The following KIAA1217 variants were observed in gnomAD, a reference collection of about 807,000 sequenced individuals.
KIAA1217 encodes the protein KIAA1217.
A neutral mutation model predicts 163.9 loss-of-function variants in KIAA1217; 88 were observed. The ratio of observed to expected loss-of-function variants is 0.54; its 90% CI spans 0.45 to 0.64. The LOEUF (loss-of-function observed/expected upper bound fraction) is 0.64, where lower values mean the gene tolerates loss of function less well. Ranked by LOEUF, KIAA1217 falls within the 30% of genes least tolerant of loss-of-function variation. KIAA1217 has a pLI of 0.00. For synonymous variants in KIAA1217, 903 were observed against 923.1 expected (o/e 0.98, Z 0.39); for missense variants, 2,372 against 2,475.0 (o/e 0.96, Z 0.88).
intron 1 of KIAA1217, among the ~76,000 whole-genome samples, chr10:23,944,861 C>T (rs1487654351): frequency 6.6e-6 from 1 of 152,112 alleles, no homozygotes; most frequent in Non-Finnish European, 1.5e-5. Context: ...GAGTTCAAGA[C>T]CAGCCTGGCC....
chr10:23,965,446 C>T (rs1589153071), intron 1 of KIAA1217, among the ~76,000 whole-genome samples: 1 of 152,212 alleles, frequency 6.6e-6, no homozygotes, highest in East Asian at 1.9e-4. Context: ...GAGGCTTGTA[C>T]TTTGGATGCC....
Position 24,543,709 on chromosome 10 carries a change from T to TA in KIAA1217, c.4440dup (p.Glu1481ArgfsTer16). On this transcript the variant is annotated frameshift_variant, in exon 19 of 21. Transcript: ENST00000376454. LOFTEE classifies it high-confidence loss of function. ...GAGAGAATGATGATGGAGGAAAAGA[T>TA]AGAGGAGGAGGAAGAGGAGGAAAAT... is the stretch of plus-strand genomic sequence containing the variant. The TA allele has an allele frequency of 6.2e-7, 1 of 1,613,398 alleles. No individual in the cohort carries two copies. Among genetic ancestry groups the TA allele is most frequent in the South Asian group, 1.1e-5 (1 of 91,018 alleles).
At chr10:23,988,579 A>G (rs1456396009) in intron 1 of KIAA1217, among the ~76,000 whole-genome samples, 5 of 152,244 alleles carry the variant, frequency 3.3e-5, no homozygotes, top group African/African-American at 1.2e-4. Context: ...ACAAATAAAT[A>G]TGCAAAATGC....
At position 24,334,334 on chromosome 10, in the gene KIAA1217, T is replaced by G. The variant is rs142967553; in HGVS notation, c.355-46535T>G. Among the ~76,000 whole-genome samples the G allele has an allele frequency of 2.6e-5, 4 of 151,530 alleles. No homozygotes were observed. In the East Asian group the frequency reaches 7.8e-4, roughly 30 times the overall value. ...GCAGGAGGATTGCTTAAGCCCAGGA[T>G]TTCAGATCTAACCTGGGCAATATAG... On this transcript the variant is annotated intron_variant, in intron 2 of 20. Transcript: ENST00000376454.
Position 24,250,273 on chromosome 10 carries a change from G to A in KIAA1217, c.354+30364G>A, listed in dbSNP as rs148122377. Among the ~76,000 whole-genome samples, 508 of 152,194 alleles carry A rather than the reference G, an allele frequency of 3.3e-3. 5 individuals are homozygous for A. Among genetic ancestry groups the A allele is most frequent in the African/African-American group, 0.011 (474 of 41,530 alleles). ...TCTCTGAACAGAGCCTTGGAATTCA[G>A]CCTAGAGAAAGAATACTTGGTGGTT... On this transcript the variant is annotated intron_variant, in intron 2 of 20. Transcript: ENST00000376454.
intron 5 of KIAA1217, among the ~76,000 whole-genome samples, chr10:24,469,245 C>T (rs1236188058): frequency 6.6e-6 from 1 of 151,990 alleles, no homozygotes; most frequent in African/African-American, 2.4e-5. Context: ...TGTGCCTCAG[C>T]CTCCTGAGTA....
upstream of KIAA1217, among the ~76,000 whole-genome samples, chr10:24,205,302 C>CAAAAA (rs61292023): frequency 1.1e-4 from 4 of 36,608 alleles, no homozygotes; most frequent in African/African-American, 2.4e-4. Flanking sequence ...ACTAAAAATA[C>CAAAAA]AAAAAAAAAA....
intron 2 of KIAA1217, among the ~76,000 whole-genome samples, chr10:24,266,763 C>A (rs908888574): frequency 6.6e-6 from 1 of 152,100 alleles, no homozygotes; most frequent in Non-Finnish European, 1.5e-5. Flanking sequence ...GGACAGAAAT[C>A]GAATTTGGGA....
At chr10:23,790,380 T>TATAC (rs1564423200) in intron 1 of KIAA1217, among the ~76,000 whole-genome samples, 39 of 81,212 alleles carry the variant, frequency 4.8e-4, no homozygotes, top group Admixed American at 1.3e-3. Context: ...TACATATGTA[T>TATAC]ATATACATAT....
chr10:23,731,967 G>A (rs1257447929), intron 1 of KIAA1217, among the ~76,000 whole-genome samples: 2 of 152,032 alleles, frequency 1.3e-5, no homozygotes, highest in Admixed American at 6.6e-5. Context: ...TGGTTGTGGT[G>A]TATAACTCTT....
chr10:24,191,473 G>A (rs2066715721), intron 2 of KIAA1217, among the ~76,000 whole-genome samples: 1 of 151,878 alleles, frequency 6.6e-6, no homozygotes, highest in Non-Finnish European at 1.5e-5. Context: ...GTAACACAAA[G>A]GATAAATGGT....
intron 1 of KIAA1217, among the ~76,000 whole-genome samples, chr10:23,880,240 G>A (rs1840888975): frequency 6.6e-6 from 1 of 151,888 alleles, no homozygotes; most frequent in African/African-American, 2.4e-5. Context: ...AATGTGGTAT[G>A]TACACACAAT....
At chr10:24,187,689 G>A (rs572562605) in intron 2 of KIAA1217, among the ~76,000 whole-genome samples, 19 of 152,094 alleles carry the variant, frequency 1.2e-4, no homozygotes, top group East Asian at 1.9e-4. Flanking sequence ...GCAGGAGTTC[G>A]AGACCAGCCT....
rs1197353078 is a variant in KIAA1217 at position 24,524,746 on chromosome 10, C to T, written c.2880C>T (p.Asn960=). 2 of 1,600,298 alleles carry T rather than the reference C, an allele frequency of 1.2e-6. No individual in the cohort carries two copies. Among genetic ancestry groups the T allele is most frequent in the Admixed American group, 1.7e-5 (1 of 59,620 alleles). The change falls in exon 13 of 21, where the codon AAC becomes AAT. Residue 960 remains asparagine, a synonymous_variant. Coordinates refer to ENST00000376454, the MANE Select transcript of KIAA1217 (RefSeq NM_019590.5). ...IEEIHSVSAK[N]RAVSIEKAEK... is the part of the protein sequence containing the mutation. ...AAATCCACAGTGTGAGTGCCAAGAACAGGGCAGTGTCTATCGAGGTAGAGT... is the reference window on the plus strand; with the variant it reads ...AAATCCACAGTGTGAGTGCCAAGAATAGGGCAGTGTCTATCGAGGTAGAGT...
intron 2 of KIAA1217, chr10:24,157,900 A>G: frequency 3.0e-6 from 2 of 665,750 alleles, no homozygotes; most frequent in Admixed American, 4.7e-5. Flanking sequence ...TGCTGGCTTC[A>G]TCTCCAAAGC....
rs529051103 is a variant in KIAA1217 at position 24,377,729 on chromosome 10, T to A, written c.355-3140T>A. 1.8e-4 allele frequency among the ~76,000 whole-genome samples: 28 copies of A among 152,270 alleles called. No homozygotes were observed. The South Asian group carries it at 5.6e-3, about 30-fold the overall frequency. Reference sequence around the variant, plus strand: ...TTTAGAAATTTTCATCTATGAAATATAAAATAATGGGAACTATGATTATGG... The same window carrying A: ...TTTAGAAATTTTCATCTATGAAATAAAAAATAATGGGAACTATGATTATGG... On this transcript the variant is annotated intron_variant, in intron 2 of 20. Coordinates refer to ENST00000376454, the MANE Select transcript of KIAA1217 (RefSeq NM_019590.5).
intron 1 of KIAA1217, among the ~76,000 whole-genome samples, chr10:23,894,838 A>G (rs1029579875): frequency 1.2e-4 from 18 of 151,666 alleles, no homozygotes; most frequent in Non-Finnish European, 2.4e-4. Context: ...ATAACACCAC[A>G]TATCTACAAC....
At chr10:24,511,374 G>A (rs1391394092) in intron 9 of KIAA1217, among the ~76,000 whole-genome samples, 1 of 152,038 alleles carries the variant, frequency 6.6e-6, no homozygotes, top group Non-Finnish European at 1.5e-5. Context: ...TGGGCACGGT[G>A]GCTCATGCCT....
At position 24,125,696 on chromosome 10, in the gene KIAA1217, CTCTATT is replaced by C. The variant is rs1260467187; in HGVS notation, c.-170-93925_-170-93920del. On this transcript the variant is annotated intron_variant, in intron 2 of 18. Transcript: ENST00000376462. ...ATAGTCATTTCTGGTTTCCCTTTCT[CTCTATT>C]TCTAACAGTGAAAATTGAGTCCATT... is the stretch of plus-strand genomic sequence containing the variant. Among the ~76,000 whole-genome samples the C allele has an allele frequency of 7.9e-5, 12 of 152,008 alleles. 1 individual carries two copies. Among genetic ancestry groups the C allele is most frequent in the Non-Finnish European group, 1.5e-4 (10 of 67,986 alleles).
Sources: gnomAD v4.1 joint callset for allele counts (sites outside exome capture counted in the v4.1 genomes callset) on GRCh38, gnomAD v4.1.1 for gene constraint, MANE v1.5 for transcripts, NCBI Gene and HGNC (gene_info 2026-07-23, HGNC 2026-07-21) for gene names.